Variants in RARB observed in about 807,000 individuals in gnomAD.
RARB encodes the protein retinoic acid receptor beta.
Under a neutral mutation model 51.9 loss-of-function variants are expected in RARB, and 17 were observed. That is an observed-to-expected ratio of 0.33 (90% CI 0.22 to 0.49). The LOEUF (loss-of-function observed/expected upper bound fraction) is 0.49, where lower values mean the gene tolerates loss of function less well. RARB is among the 20% of genes least tolerant of loss of function. RARB has a pLI of 0.99. For synonymous variants in RARB, 215 were observed against 195.4 expected (o/e 1.10, Z -0.84); for missense variants, 369 against 550.8 (o/e 0.67, Z 3.30).
chr3:25,519,174 A>G (rs1698298206), intron 3 of RARB, among the ~76,000 whole-genome samples: 1 of 152,124 alleles, frequency 6.6e-6, no homozygotes, highest in African/African-American at 2.4e-5. Flanking sequence ...TCTCATGTTG[A>G]TGGACATTTG....
At position 25,428,891 on chromosome 3, in the gene RARB, A is replaced by G; in HGVS notation, c.157+3A>G. Reference sequence around the variant, plus strand: ...GCAGCATCGGCACACTGCTCAATGTAGGTTTATTTTTTTCCCTTCTTCTAC... The same window carrying G: ...GCAGCATCGGCACACTGCTCAATGTGGGTTTATTTTTTTCCCTTCTTCTAC... On this transcript the variant is annotated splice_donor_region_variant and intron_variant, in intron 1 of 7. Transcript: ENST00000330688. 1 of 1,589,402 alleles carries G rather than the reference A, an allele frequency of 6.3e-7. No homozygotes were observed. The highest frequency in any genetic ancestry group is 8.6e-7 in the Non-Finnish European group (1 of 1,163,754).
intron 3 of RARB, among the ~76,000 whole-genome samples, chr3:25,129,102 T>C (rs75939787): frequency 0.021 from 3,223 of 152,162 alleles, 87 homozygotes; most frequent in African/African-American, 0.064. Context: ...TTATGTTTGG[T>C]AGATAATTTT....
intron 5 of RARB, among the ~76,000 whole-genome samples, chr3:25,213,888 A>G (rs1341482513): frequency 6.6e-6 from 1 of 152,234 alleles, no homozygotes; most frequent in East Asian, 1.9e-4. Flanking sequence ...TTATTTTTGT[A>G]AACCATTCAT....
At chr3:24,891,189 G>A (rs1450854844) in intron 2 of RARB, among the ~76,000 whole-genome samples, 6 of 152,128 alleles carry the variant, frequency 3.9e-5, no homozygotes, top group East Asian at 1.9e-4. Flanking sequence ...ATCTCATGAC[G>A]TTTTGCCTTT....
Position 25,330,359 on chromosome 3 carries a change from T to C in RARB, c.179-130834T>C, listed in dbSNP as rs184262189. 5.2e-4 allele frequency among the ~76,000 whole-genome samples: 79 copies of C among 152,258 alleles called. No individual in the cohort carries two copies. In the East Asian group the frequency reaches 8.7e-3, roughly 17 times the overall value. ...GCCAGAAGAGAGTGGGGGCCAATAT[T>C]CAACATTCTTAAAGAAAAGAATTTT... On this transcript the variant is annotated intron_variant, in intron 5 of 11. Transcript: ENST00000383772.
chr3:25,463,175 A>G (rs57446688), intron 2 of RARB, among the ~76,000 whole-genome samples: 42,995 of 151,196 alleles, frequency 0.28, 6,721 homozygotes, highest in African/African-American at 0.42. Flanking sequence ...GCCCAGCCCC[A>G]CTCAATTTCT....
At chr3:25,322,400 G>A (rs886565759) in intron 5 of RARB, among the ~76,000 whole-genome samples, 5 of 152,152 alleles carry the variant, frequency 3.3e-5, no homozygotes, top group Non-Finnish European at 7.3e-5. Flanking sequence ...TGAAATGCAA[G>A]AGCTAGAAAG....
chr3:25,246,767 G>A (rs768992425), intron 5 of RARB, among the ~76,000 whole-genome samples: 11 of 152,118 alleles, frequency 7.2e-5, no homozygotes, highest in Non-Finnish European at 1.6e-4. Flanking sequence ...AACCCTGCTG[G>A]GAAGTGTCTC....
chr3:25,257,512 G>A (rs888077856), intron 5 of RARB, among the ~76,000 whole-genome samples: 1 of 152,024 alleles, frequency 6.6e-6, no homozygotes, highest in African/African-American at 2.4e-5. Context: ...CAGAAGAGTT[G>A]GAACTAGGGT....
Position 25,286,714 on chromosome 3 carries a change from A to T in RARB, c.178+112139A>T, listed in dbSNP as rs550215977. Among the ~76,000 whole-genome samples the T allele has an allele frequency of 7.2e-5, 11 of 152,320 alleles. No individual in the cohort carries two copies. In the South Asian group the frequency reaches 2.3e-3, roughly 32 times the overall value. ...TTATTCATTCTTACCTTCCCATTTG[A>T]ACATTTTAATTGTACTTTGAGAGTT... On this transcript the variant is annotated intron_variant, in intron 5 of 11. Coordinates refer to the RARB transcript ENST00000383772.
At position 25,348,673 on chromosome 3, in the gene RARB, T is replaced by A. The variant is rs1259611178; in HGVS notation, c.179-112520T>A. 2.0e-5 allele frequency among the ~76,000 whole-genome samples: 3 copies of A among 152,324 alleles called. No homozygotes were observed. The East Asian group carries it at 5.8e-4, about 29-fold the overall frequency. ...GAGCAGATAAGAACACAAGAGTTAATGTTAAATGTTAGTAAATTTAAATGT... is the reference window on the plus strand; with the variant it reads ...GAGCAGATAAGAACACAAGAGTTAAAGTTAAATGTTAGTAAATTTAAATGT... On this transcript the variant is annotated intron_variant, in intron 5 of 11. Transcript: ENST00000383772.
At chr3:25,240,406 A>C (rs914070855) in intron 5 of RARB, among the ~76,000 whole-genome samples, 2 of 152,054 alleles carry the variant, frequency 1.3e-5, no homozygotes, top group Admixed American at 6.6e-5. Flanking sequence ...GTCTTGTTCT[A>C]GTTCTTTTAG....
At chr3:24,859,058 GAAAA>G (rs11333927) in intron 2 of RARB, among the ~76,000 whole-genome samples, 1 of 121,002 alleles carries the variant, frequency 8.3e-6, no homozygotes, top group Non-Finnish European at 1.7e-5. Flanking sequence ...AAAAAAAAAA[GAAAA>G]AAAAAAAGTT....
intron 5 of RARB, among the ~76,000 whole-genome samples, chr3:25,206,588 T>TCTTATTCACTTAACGTTCAATGACATTA (rs1701553375): frequency 6.6e-6 from 1 of 152,198 alleles, no homozygotes; most frequent in African/African-American, 2.4e-5. Flanking sequence ...TCATTTATCT[T>TCTTATTCACTTAACGTTCAATGACATTA]TCTAAGCTTC....
chr3:25,307,543 G>T (rs1295441609), intron 5 of RARB, among the ~76,000 whole-genome samples: 1 of 152,190 alleles, frequency 6.6e-6, no homozygotes, highest in African/African-American at 2.4e-5. Context: ...AGTGAGCCAG[G>T]TTTGAAGGTT....
intron 5 of RARB, among the ~76,000 whole-genome samples, chr3:25,327,262 A>G (rs1404054945): frequency 3.9e-5 from 6 of 152,328 alleles, no homozygotes; most frequent in Admixed American, 3.3e-4. Flanking sequence ...AGAACTGAAG[A>G]ATACAAAATT....
intron 2 of RARB, among the ~76,000 whole-genome samples, chr3:25,479,762 A>G (rs978471862): frequency 1.3e-5 from 2 of 152,190 alleles, no homozygotes; most frequent in Non-Finnish European, 1.5e-5. Flanking sequence ...CACAGAAACA[A>G]CAGGTCATGT....
intron 5 of RARB, among the ~76,000 whole-genome samples, chr3:25,375,160 T>C (rs1706421271): frequency 6.6e-6 from 1 of 152,280 alleles, no homozygotes; most frequent in African/African-American, 2.4e-5. Context: ...CCTGGAAAAT[T>C]ATCACCCATC....
At chr3:25,469,271 ACTTTAAATGAG>A (rs1286024000) in intron 2 of RARB, among the ~76,000 whole-genome samples, 1 of 152,222 alleles carries the variant, frequency 6.6e-6, no homozygotes, top group Non-Finnish European at 1.5e-5. Flanking sequence ...TCTATTAAAT[ACTTTAAATGAG>A]CTTAATGATT....
Sources: allele counts gnomAD v4.1 joint callset (sites outside exome capture counted in the v4.1 genomes callset), GRCh38; gene constraint gnomAD v4.1.1; transcripts MANE v1.5; gene names NCBI Gene and HGNC (gene_info 2026-07-23, HGNC 2026-07-21).